Variants in TMA16 observed in about 807,000 individuals in gnomAD.
TMA16 encodes translation machinery associated 16 homolog.
In TMA16, 26 loss-of-function variants were observed where a neutral mutation model predicts 27.1. The ratio of observed to expected loss-of-function variants is 0.96; its 90% CI spans 0.70 to 1.33. The LOEUF is 1.33. TMA16 is among the 40% of genes most tolerant of loss of function. The probability of loss-of-function intolerance (pLI) is 0.00; values close to 1 mark genes in which losing one functional copy is unlikely to be tolerated. For missense variants in TMA16, 233 were observed against 241.4 expected (o/e 0.97, Z 0.23); for synonymous variants, 71 against 81.9 (o/e 0.87, Z 0.72).
intron 2 of TMA16, chr4:163,512,605 A>G (rs1440510871): frequency 8.9e-6 from 4 of 451,800 alleles, no homozygotes; most frequent in Non-Finnish European, 1.6e-5. Flanking sequence ...TCCTTTAGAC[A>G]TTGAGGTGCT....
At chr4:163,510,482 C>T (rs1193910686) in intron 2 of TMA16, among the ~76,000 whole-genome samples, 2 of 152,110 alleles carry the variant, frequency 1.3e-5, no homozygotes, top group Non-Finnish European at 2.9e-5. Flanking sequence ...TGGGATCATG[C>T]TGTATGTGGT....
At chr4:163,514,460 GAAGAATATTTA>G (rs1737846282) in intron 4 of TMA16, among the ~76,000 whole-genome samples, 1 of 152,162 alleles carries the variant, frequency 6.6e-6, no homozygotes, top group South Asian at 2.1e-4. Context: ...TAGCAAGAAA[GAAGAATATTTA>G]AAAATGCCCA....
chr4:163,508,486 A>G (rs370004668), intron 2 of TMA16, among the ~76,000 whole-genome samples: 1 of 152,160 alleles, frequency 6.6e-6, no homozygotes, highest in South Asian at 2.1e-4. Flanking sequence ...AATAGATACT[A>G]TTACCTGCTG....
At chr4:163,498,509 G>A (rs933505607) in intron 1 of TMA16, among the ~76,000 whole-genome samples, 23 of 151,784 alleles carry the variant, frequency 1.5e-4, no homozygotes, top group Admixed American at 6.6e-5. Context: ...GGATGGTCTC[G>A]ATCTCCTGAC....
Position 163,512,907 on chromosome 4 carries a change from T to C in TMA16, c.154+48T>C. ...AACTCTGGCTAGAGTATAGGGCATT[T>C]CTGCCCTATACTTGTTTTTCTTTTT... is the stretch of plus-strand genomic sequence containing the variant. On this transcript the variant is annotated intron_variant, in intron 3 of 6. Transcript: ENST00000358572. 2.8e-6 allele frequency: 4 copies of C among 1,416,188 alleles called. No individual in the cohort carries two copies. The Middle Eastern group carries it at 5.5e-4, about 195-fold the overall frequency. The allele number at this position is 1,416,188 out of a possible 1,614,324, so 87.7% of individuals were successfully genotyped here.
At chr4:163,502,163 CAT>C (rs1469187251) in intron 1 of TMA16, among the ~76,000 whole-genome samples, 4 of 152,022 alleles carry the variant, frequency 2.6e-5, no homozygotes, top group African/African-American at 9.7e-5. Context: ...TTTGGAATAA[CAT>C]AAGTTGAGCT....
In TMA16 at chr4:163,509,875, A is replaced by G. The variant is rs1737767637; in HGVS notation, c.116+2730A>G. Among the ~76,000 whole-genome samples, 3 of 152,162 alleles carry G rather than the reference A, an allele frequency of 2.0e-5. No homozygotes were observed. The South Asian group carries it at 6.2e-4, about 32-fold the overall frequency. On this transcript the variant is annotated intron_variant, in intron 2 of 6. Transcript: ENST00000358572. ...TAATTCTAGATAGCAAATGAAAATG[A>G]CTCCTAATGGAAGATTAACAAAGGA...
At chr4:163,494,903 G>T in intron 1 of TMA16, 99 bp downstream of exon 1, 1 of 1,535,626 alleles carries the variant, frequency 6.5e-7, no homozygotes, top group Non-Finnish European at 8.9e-7. Context: ...GAACCTAGGA[G>T]AGGGGAGGAT....
At position 163,519,432 on chromosome 4, in the gene TMA16, T is replaced by A; in HGVS notation, c.530T>A (p.Ile177Lys). 1.2e-6 allele frequency: 2 copies of A among 1,607,444 alleles called. No homozygotes were observed. Among genetic ancestry groups the A allele is most frequent in the Middle Eastern group, 1.7e-4 (1 of 6,042 alleles). The change falls in exon 7 of 7, where the codon ATA becomes AAA. Residue 177 changes from isoleucine (I) to lysine (K), a missense_variant. By Grantham distance (102) the Ile-to-Lys change is moderately radical (BLOSUM62 -3). Coordinates refer to ENST00000358572, the MANE Select transcript of TMA16 (RefSeq NM_018352.3). ...AAGACGTGCAAGAGGAAAACTATTA[T>A]AACTGTAGACCAAGATTTGGGGGAA... ...IPKTCKRKTIITVDQDLGELE... is the reference protein window; with the variant it reads ...IPKTCKRKTIKTVDQDLGELE...
intron 2 of TMA16, among the ~76,000 whole-genome samples, chr4:163,508,470 A>G (rs911307330): frequency 2.6e-5 from 4 of 152,182 alleles, no homozygotes; most frequent in Middle Eastern, 3.2e-3. Flanking sequence ...TTCTCTCTTA[A>G]AATCAAATAG....
intron 4 of TMA16, among the ~76,000 whole-genome samples, chr4:163,514,948 A>C (rs545309057): frequency 1.3e-5 from 2 of 151,852 alleles, no homozygotes; most frequent in African/African-American, 4.8e-5. Context: ...CGTCTGGACA[A>C]CTGTTTCCTG....
chr4:163,500,168 A>T (rs1579013947), intron 1 of TMA16, among the ~76,000 whole-genome samples: 1 of 152,132 alleles, frequency 6.6e-6, no homozygotes, highest in Non-Finnish European at 1.5e-5. Context: ...TCCTAATTTA[A>T]ATACTTAAGA....
chr4:163,504,931 T>C (rs1737700364), intron 1 of TMA16, among the ~76,000 whole-genome samples: 2 of 152,216 alleles, frequency 1.3e-5, no homozygotes, highest in Non-Finnish European at 2.9e-5. Context: ...CCCTCAGTTA[T>C]TTGTCATGTG....
intron 1 of TMA16, among the ~76,000 whole-genome samples, chr4:163,498,456 T>G (rs1737595483): frequency 6.6e-6 from 1 of 151,654 alleles, no homozygotes; most frequent in Non-Finnish European, 1.5e-5. Flanking sequence ...CCCGGCTAAT[T>G]TTTTGTATTT....
At chr4:163,504,241 G>A (rs1737688419) in intron 1 of TMA16, among the ~76,000 whole-genome samples, 1 of 152,124 alleles carries the variant, frequency 6.6e-6, no homozygotes, top group African/African-American at 2.4e-5. Context: ...ATAATGATAT[G>A]TGGGATCAGA....
chr4:163,519,023 G>A (rs1737926649), intron 6 of TMA16, among the ~76,000 whole-genome samples: 1 of 152,052 alleles, frequency 6.6e-6, no homozygotes, highest in South Asian at 2.1e-4. Flanking sequence ...AAACTTAACT[G>A]GGATGTACTT....
At chr4:163,500,455 C>A (rs532670578) in intron 1 of TMA16, among the ~76,000 whole-genome samples, 1 of 152,252 alleles carries the variant, frequency 6.6e-6, no homozygotes, top group South Asian at 2.1e-4. Flanking sequence ...AAGCAGTCTG[C>A]CTGCCTCAGC....
intron 4 of TMA16, among the ~76,000 whole-genome samples, chr4:163,514,997 G>A (rs1399409236): frequency 6.6e-6 from 1 of 151,982 alleles, no homozygotes; most frequent in Non-Finnish European, 1.5e-5. Flanking sequence ...TTTGGTGGGG[G>A]GTAGGTGGGG....
chr4:163,512,568 T>C, intron 2 of TMA16: 1 of 331,890 alleles, frequency 3.0e-6, no homozygotes, highest in South Asian at 7.7e-5. Flanking sequence ...TCAGTTGTGT[T>C]TTCAAAACTG....
Sources: gnomAD v4.1 joint callset for allele counts (sites outside exome capture counted in the v4.1 genomes callset) on GRCh38, gnomAD v4.1.1 for gene constraint, MANE v1.5 for transcripts, NCBI Gene and HGNC (gene_info 2026-07-23, HGNC 2026-07-21) for gene names.